Variants in ARHGEF18 observed in about 807,000 individuals in gnomAD.
ARHGEF18 encodes Rho/Rac guanine nucleotide exchange factor 18.
Under a neutral mutation model 155.7 loss-of-function variants are expected in ARHGEF18, and 93 were observed. That is an observed-to-expected ratio of 0.60 (90% confidence interval 0.50 to 0.71). The LOEUF (loss-of-function observed/expected upper bound fraction) is 0.71, where lower values mean the gene tolerates loss of function less well. Ranked by LOEUF, ARHGEF18 falls within the 30% of genes least tolerant of loss-of-function variation. The pLI, the probability that ARHGEF18 is intolerant of heterozygous loss-of-function variation, is 0.00. For synonymous variants in ARHGEF18, 742 were observed against 753.1 expected, an observed-to-expected ratio of 0.99 and a Z score of 0.24; for missense variants, 1,593 against 1,816.1, an observed-to-expected ratio of 0.88 and a Z score of 2.23.
At chr19:7,396,267 T>C (rs147796758) in intron 10 of ARHGEF18, among the ~76,000 whole-genome samples, 4,465 of 152,266 alleles carry the variant, frequency 0.029, 82 homozygotes, top group Middle Eastern at 0.096. Flanking sequence ...CCCTTTGCCT[T>C]GTTTTCGCGG....
At position 7,449,297 on chromosome 19, in the gene ARHGEF18, C is replaced by T. The variant is rs114713662; in HGVS notation, c.1738-1852C>T. ...AGCATCAGAAAGCACCCAGGCTGGG[C>T]GTGGTGGCTCACGCTTGGAATCCCA... On this transcript the variant is annotated intron_variant, in intron 15 of 28. Transcript: ENST00000668164. Among the ~76,000 whole-genome samples the T allele has an allele frequency of 9.5e-3, 1,441 of 152,012 alleles. 18 individuals carry two copies. Among genetic ancestry groups the T allele is most frequent in the Middle Eastern group, 0.021 (6 of 292 alleles).
intron 16 of ARHGEF18, among the ~76,000 whole-genome samples, chr19:7,451,485 T>C (rs951987534): frequency 1.3e-5 from 2 of 150,990 alleles, no homozygotes; most frequent in African/African-American, 4.9e-5. Flanking sequence ...CATAGCTCAT[T>C]GCACAGCCTC....
At chr19:7,420,548 G>A (rs370509256) in intron 10 of ARHGEF18, among the ~76,000 whole-genome samples, 3 of 152,228 alleles carry the variant, frequency 2.0e-5, no homozygotes, top group South Asian at 4.1e-4. Flanking sequence ...CCCCCACGCC[G>A]GGCCTGTTTT....
chr19:7,450,997 G>T, intron 15 of ARHGEF18, 152 bp from the exon 16 acceptor site: 1 of 719,364 alleles, frequency 1.4e-6, no homozygotes, highest in South Asian at 1.7e-5. Context: ...GCAGGATCTT[G>T]CTGTCCATTT....
At chr19:7,380,261 G>C (rs982145652) in intron 7 of ARHGEF18, among the ~76,000 whole-genome samples, 3 of 151,730 alleles carry the variant, frequency 2.0e-5, no homozygotes, top group Non-Finnish European at 4.4e-5. Context: ...GGCGGATCAC[G>C]AGGTCAGGAG....
intron 4 of ARHGEF18, 66 bp from the exon 5 acceptor site, chr19:7,376,577 A>G (rs1970470465): frequency 9.0e-7 from 1 of 1,109,882 alleles, no homozygotes; most frequent in East Asian, 3.2e-5. Flanking sequence ...GGGCCCCTCA[A>G]TCCAGGGAAC....
intron 26 of ARHGEF18, among the ~76,000 whole-genome samples, chr19:7,467,972 G>A (rs1323473233): frequency 2.0e-5 from 3 of 152,224 alleles, no homozygotes; most frequent in African/African-American, 7.2e-5. Context: ...GGTGGAGGCA[G>A]GCGGATTGCT....
rs778797425 is a variant in ARHGEF18, at chr19:7,469,032, G to A, written c.3688G>A (p.Ala1230Thr). 1.2e-6 allele frequency: 2 copies of A among 1,601,824 alleles called. No homozygotes were observed. Among genetic ancestry groups the A allele is most frequent in the South Asian group, 2.2e-5 (2 of 89,388 alleles). ...CACCAACCAGTTCCAGAGGCAGGCGGCCGTGCAGCAGCAGATCCCCACCAA... is the reference window on the plus strand; with the variant it reads ...CACCAACCAGTTCCAGAGGCAGGCGACCGTGCAGCAGCAGATCCCCACCAA... ...SATNQFQRQA[A>T]VQQQIPTKLA... The change falls in exon 27 of 29, where the codon GCC (alanine) becomes ACC (threonine). Residue 1230 changes from alanine (A) to threonine (T), a missense_variant. Coordinates refer to ENST00000668164, the MANE Select transcript of ARHGEF18 (RefSeq NM_001367823.1).
chr19:7,447,359 C>T (rs962663010), intron 15 of ARHGEF18, among the ~76,000 whole-genome samples, 191 bp downstream of exon 15: 35 of 151,432 alleles, frequency 2.3e-4, no homozygotes, highest in African/African-American at 7.8e-4. Context: ...CATGGTGGCA[C>T]GCACCTGTAA....
the ARHGEF18 span, among the ~76,000 whole-genome samples, chr19:7,478,976 G>A: frequency 2.6e-5 from 4 of 152,170 alleles, no homozygotes; most frequent in African/African-American, 9.7e-5. Flanking sequence ...GCACCCACCC[G>A]GGCCAGTCCA....
Position 7,372,935 on chromosome 19 carries a change from G to T in ARHGEF18, c.139G>T (p.Gly47Trp). The change falls in exon 3 of 29, where the codon GGG becomes TGG. Residue 47 changes from glycine to tryptophan, a missense_variant. Gly to Trp is a radical substitution (Grantham distance 184). Transcript: ENST00000668164. ...TGGGGCCCCTTCCCACAGCCAGCCT[G>T]GGGAGACCCCAGACAGCCGCCCCAC... The part of the protein sequence containing the change: ...GLGAPSHSQP[G>W]ETPDSRPTGE... The T allele has an allele frequency of 8.1e-7, 1 of 1,234,664 alleles. No homozygotes were observed. Among genetic ancestry groups the T allele is most frequent in the Non-Finnish European group, 1.0e-6 (1 of 988,392 alleles). 76.5% of individuals were successfully genotyped at this position (1,234,664 alleles called of 1,614,324 possible). A position where few individuals can be genotyped will look rare whatever the true frequency, so the allele number is the denominator to read the frequency against.
intron 2 of ARHGEF18, among the ~76,000 whole-genome samples, chr19:7,363,791 TGAAG>T (rs1331966688): frequency 7.1e-6 from 1 of 141,154 alleles, no homozygotes; most frequent in South Asian, 2.2e-4. Flanking sequence ...AATGAAAGAA[TGAAG>T]GAAGGATGGA....
At chr19:7,445,899 G>A (rs1193159424) in intron 14 of ARHGEF18, among the ~76,000 whole-genome samples, 4 of 152,012 alleles carry the variant, frequency 2.6e-5, no homozygotes, top group Admixed American at 6.6e-5. Flanking sequence ...CTGGGATTAC[G>A]TATGTGAGCC....
chr19:7,379,670 G>C (rs932204190), intron 7 of ARHGEF18, among the ~76,000 whole-genome samples: 5 of 152,186 alleles, frequency 3.3e-5, no homozygotes, highest in Non-Finnish European at 7.3e-5. Context: ...CACTGGCATA[G>C]GGGTTCCTTG....
chr19:7,369,658 A>G lies in ARHGEF18; in HGVS notation c.16-3154A>G, dbSNP rs112391010. ...CTAAAAATACAAAAATTAGCCGGGC[A>G]TTGTGGCAGGCGCCTGTAATTCCAG... On this transcript the variant is annotated intron_variant, in intron 2 of 28. Coordinates refer to ENST00000668164, the MANE Select transcript of ARHGEF18 (RefSeq NM_001367823.1). Among the ~76,000 whole-genome samples, 910 of 148,858 alleles carry G rather than the reference A, an allele frequency of 6.1e-3. 4 individuals are homozygous for G. Among genetic ancestry groups the G allele is most frequent in the African/African-American group, 0.021 (861 of 40,512 alleles).
At chr19:7,362,751 C>A in intron 1 of ARHGEF18, 30 bp from the exon 2 acceptor site, 2 of 1,233,064 alleles carry the variant, frequency 1.6e-6, no homozygotes, top group Non-Finnish European at 2.0e-6. Context: ...CCAGCTTATC[C>A]CTGACACCTT....
chr19:7,387,491 C>A (rs116193382), intron 10 of ARHGEF18, among the ~76,000 whole-genome samples: 1 of 151,958 alleles, frequency 6.6e-6, no homozygotes, highest in Non-Finnish European at 1.5e-5. Context: ...TGTTTGCATA[C>A]GCTGAAAGCT....
At chr19:7,450,623 C>A (rs909057780) in intron 15 of ARHGEF18, among the ~76,000 whole-genome samples, 1 of 102 alleles carries the variant, frequency 9.8e-3, no homozygotes, top group South Asian at 0.5. Context: ...TCTTGCTTTC[C>A]ATTTCCATTT....
rs534843619 is a variant in ARHGEF18, at chr19:7,406,188, G to A, written c.967+22985G>A. On this transcript the variant is annotated intron_variant, in intron 10 of 28. Transcript: ENST00000668164. ...CTCCACCATCCGCTTGGGTTCAAGC[G>A]ATTCTCCTGCCTCAGCCTCCCAGGT... Among the ~76,000 whole-genome samples, 17 of 151,958 alleles carry A rather than the reference G, an allele frequency of 1.1e-4. No homozygotes were observed. In the East Asian group the frequency reaches 1.8e-3, roughly 16 times the overall value.
Sources: allele counts gnomAD v4.1 joint callset (sites outside exome capture counted in the v4.1 genomes callset), GRCh38; gene constraint gnomAD v4.1.1; transcripts MANE v1.5; gene names NCBI Gene and HGNC (gene_info 2026-07-23, HGNC 2026-07-21).